Variants in SCNN1B observed in about 807,000 individuals in gnomAD.
The protein encoded by SCNN1B is epithelial sodium channel subunit beta.
Under a neutral mutation model 65.3 loss-of-function variants are expected in SCNN1B, and 46 were observed. The observed-to-expected ratio is 0.70, with a 90% confidence interval of 0.56 to 0.90. SCNN1B has a LOEUF of 0.90. Among genes scored for constraint, SCNN1B ranks in the 40% least tolerant of loss-of-function variants. The pLI, the probability that SCNN1B is intolerant of heterozygous loss-of-function variation, is 0.00. For synonymous variants in SCNN1B, 349 were observed against 330.6 expected (o/e 1.06, Z -0.60); for missense variants, 751 against 830.5 (o/e 0.90, Z 1.18).
intron 3 of SCNN1B, 88 bp downstream of exon 3, chr16:23,353,162 C>A (rs1009948665): frequency 1.4e-6 from 2 of 1,447,290 alleles, no homozygotes; most frequent in Non-Finnish European, 1.9e-6. Flanking sequence ...TTGAGTCTCG[C>A]TGGGGGAAAG....
chr16:23,332,287 C>T (rs1484322204), intron 1 of SCNN1B, among the ~76,000 whole-genome samples: 3 of 151,936 alleles, frequency 2.0e-5, no homozygotes, highest in Admixed American at 2.0e-4. Flanking sequence ...CCTCTGCCTC[C>T]CGAGTTCAAG....
chr16:23,310,290 CAAAA>C (rs202228096), intron 1 of SCNN1B, among the ~76,000 whole-genome samples: 4 of 93,004 alleles, frequency 4.3e-5, no homozygotes, highest in African/African-American at 8.1e-5. Flanking sequence ...TCTGCATGAC[CAAAA>C]AAAAAAAAAA....
At chr16:23,315,312 G>A (rs1223808735) in intron 1 of SCNN1B, among the ~76,000 whole-genome samples, 8 of 151,750 alleles carry the variant, frequency 5.3e-5, no homozygotes, top group Non-Finnish European at 1.2e-4. Context: ...ACTCCAGCCT[G>A]AGCAACAAGA....
intron 1 of SCNN1B, among the ~76,000 whole-genome samples, chr16:23,338,373 G>A (rs1339320235): frequency 1.3e-5 from 2 of 152,190 alleles, no homozygotes; most frequent in East Asian, 3.9e-4. Context: ...TGAGAATAAA[G>A]AGTCAGTCAT....
At position 23,303,823 on chromosome 16, in the gene SCNN1B, G is replaced by C. The variant is rs937907756; in HGVS notation, c.-9+1386G>C. On this transcript the variant is annotated intron_variant, in intron 1 of 12. Coordinates refer to ENST00000343070, the MANE Select transcript of SCNN1B (RefSeq NM_000336.3). ...AATCCCAGCTACTCAGGAGGCTGAC[G>C]CAGGTGGATCGCTTGAACCCAGGAG... 5.5e-6 allele frequency: 3 copies of C among 549,154 alleles called. No homozygotes were observed. The African/African-American group carries it at 5.6e-5, about 10-fold the overall frequency. 34.0% of individuals were successfully genotyped at this position (549,154 alleles called of 1,614,324 possible). A position where few individuals can be genotyped will look rare whatever the true frequency, so the allele number is the denominator to read the frequency against.
chr16:23,370,393 A>G (rs543780592), intron 5 of SCNN1B, among the ~76,000 whole-genome samples: 2 of 152,300 alleles, frequency 1.3e-5, no homozygotes. Context: ...GGTGTGAGCC[A>G]CTGTGCCCGG....
intron 1 of SCNN1B, among the ~76,000 whole-genome samples, chr16:23,345,583 C>T (rs1373098266): frequency 6.6e-6 from 1 of 152,166 alleles, no homozygotes; most frequent in African/African-American, 2.4e-5. Flanking sequence ...GCTTAGTAGG[C>T]TTAGTTAAAA....
chr16:23,371,272 G>A lies in SCNN1B; in HGVS notation c.881-27G>A, dbSNP rs369863404. ...CTTTCTGCCTCAGGAGAAAGTTCAGGCAGCCCTCACCCCACCCTCCCCACA... is the reference window on the plus strand; with the variant it reads ...CTTTCTGCCTCAGGAGAAAGTTCAGACAGCCCTCACCCCACCCTCCCCACA... On this transcript the variant is annotated intron_variant, in intron 5 of 12. Transcript: ENST00000343070. 6.8e-6 allele frequency: 11 copies of A among 1,613,104 alleles called. No homozygotes were observed. In the African/African-American group the frequency reaches 9.3e-5, roughly 14 times the overall value.
intron 11 of SCNN1B, among the ~76,000 whole-genome samples, chr16:23,379,009 C>G (rs889099787): frequency 6.6e-6 from 1 of 151,682 alleles, no homozygotes; most frequent in Non-Finnish European, 1.5e-5. Context: ...AACCAGCCAT[C>G]CATTCATCCT....
intron 8 of SCNN1B, among the ~76,000 whole-genome samples, chr16:23,376,416 T>C (rs1962897545): frequency 6.6e-6 from 1 of 152,014 alleles, no homozygotes; most frequent in South Asian, 2.1e-4. Context: ...ATCTTCAGCA[T>C]GTGTGTTCAT....
rs953466219 is a variant in SCNN1B at position 23,306,346 on chromosome 16, G to A, written c.-9+3909G>A. Among the ~76,000 whole-genome samples, 7 of 152,026 alleles carry A rather than the reference G, an allele frequency of 4.6e-5. No homozygotes were observed. In the East Asian group the frequency reaches 9.6e-4, roughly 21 times the overall value. ...ATAATAAATAGCACTTGCCTCAAAC[G>A]GTTATGTTGGGCATTAAATGAGTCA... On this transcript the variant is annotated intron_variant, in intron 1 of 12. Transcript: ENST00000343070.
Position 23,380,620 on chromosome 16 carries a change from T to C in SCNN1B, c.1742T>C (p.Leu581Pro). 6.2e-7 allele frequency: 1 copy of C among 1,613,802 alleles called. No individual in the cohort carries two copies. The highest frequency in any genetic ancestry group is 8.5e-7 in the Non-Finnish European group (1 of 1,179,882). Reference protein sequence around the residue: ...YAGPPPTVAELVEAHTNFGFQ... With the variant: ...YAGPPPTVAEPVEAHTNFGFQ... ...GGCCCACCGCCCACCGTGGCCGAGC[T>C]GGTGGAGGCCCACACCAACTTTGGC... The change falls in exon 13 of 13, where the codon CTG becomes CCG. Residue 581 changes from leucine to proline, a missense_variant. Physicochemically the swap from Leu to Pro is moderately conservative, Grantham distance 98. Transcript: ENST00000343070. This position sits in a 1 kb window ranked among gnomAD's most constrained non-coding sequence, Gnocchi z 5.4.
chr16:23,335,662 G>T (rs1961922435), intron 1 of SCNN1B, among the ~76,000 whole-genome samples: 1 of 151,170 alleles, frequency 6.6e-6, no homozygotes, highest in Non-Finnish European at 1.5e-5. Flanking sequence ...GGCCAGACTA[G>T]TCTTGAACTC....
chr16:23,357,945 G>A (rs888410390), intron 4 of SCNN1B, among the ~76,000 whole-genome samples: 6 of 152,238 alleles, frequency 3.9e-5, no homozygotes, highest in Non-Finnish European at 5.9e-5. Context: ...AAAGAGAGCT[G>A]TAACACTGCA....
At chr16:23,319,997 TC>T (rs1961554669) in intron 1 of SCNN1B, among the ~76,000 whole-genome samples, 1 of 152,154 alleles carries the variant, frequency 6.6e-6, no homozygotes, top group South Asian at 2.1e-4. Flanking sequence ...TCCTCTCACC[TC>T]GGCCTCCCAA....
chr16:23,343,546 G>GGGAA (rs1291468186), intron 1 of SCNN1B, among the ~76,000 whole-genome samples: 3 of 132,912 alleles, frequency 2.3e-5, no homozygotes, highest in Admixed American at 8.1e-5. Context: ...GAGGGAGGGA[G>GGGAA]GGAAGGAAGG....
intron 2 of SCNN1B, among the ~76,000 whole-genome samples, chr16:23,291,403 A>C (rs1156756246): frequency 6.6e-6 from 1 of 151,772 alleles, no homozygotes; most frequent in Non-Finnish European, 1.5e-5. Context: ...TTCTTTCCAG[A>C]ATTTGATATG....
At chr16:23,337,306 A>T (rs772805841) in intron 1 of SCNN1B, among the ~76,000 whole-genome samples, 1 of 151,658 alleles carries the variant, frequency 6.6e-6, no homozygotes, top group Non-Finnish European at 1.5e-5. Context: ...CTCCTGCTTC[A>T]GTCTCCCAAA....
At position 23,352,880 on chromosome 16, in the gene SCNN1B, C is replaced by T. The variant is rs769269095; in HGVS notation, c.391C>T (p.Leu131=). Residue 131 remains leucine, a synonymous_variant, in exon 3 of 13, where the codon CTA becomes TTA. Coordinates refer to ENST00000343070, the MANE Select transcript of SCNN1B (RefSeq NM_000336.3). ...CCTGGAGAGAATCCTGGCTCCTGAG[C>T]TAAGCCATGCCAATGCCACCAGGAA... ...AVLERILAPE[L]SHANATRNLN... 2.7e-5 allele frequency: 43 copies of T among 1,614,070 alleles called. No individual in the cohort carries two copies. The highest frequency in any genetic ancestry group is 1.0e-5 in the Non-Finnish European group (12 of 1,180,036).
Sources: gnomAD v4.1 joint callset for allele counts (sites outside exome capture counted in the v4.1 genomes callset) on GRCh38, gnomAD v4.1.1 for gene constraint, Gnocchi (gnomAD v3.1) non-coding constraint, MANE v1.5 for transcripts, NCBI Gene and HGNC (gene_info 2026-07-23, HGNC 2026-07-21) for gene names.